The following TNNI3K variants were observed in gnomAD, a reference collection of about 807,000 sequenced individuals.
The protein encoded by TNNI3K is TNNI3 interacting kinase.
A neutral mutation model predicts 114.5 loss-of-function variants in TNNI3K; 140 were observed. That is an observed-to-expected ratio of 1.22 (90% CI 1.07 to 1.41). The LOEUF is 1.41. Among genes scored for constraint, TNNI3K ranks in the 40% most tolerant of loss-of-function variants. The probability of loss-of-function intolerance (pLI) is 0.00; values close to 1 mark genes in which losing one functional copy is unlikely to be tolerated. For synonymous variants in TNNI3K, 347 were observed against 347.5 expected, an observed-to-expected ratio of 1.00 and a Z score of 0.02; for missense variants, 1,125 against 1,007.6, an observed-to-expected ratio of 1.12 and a Z score of -1.58.
chr1:74,476,157 C>T (rs1668196069), intron 21 of TNNI3K, among the ~76,000 whole-genome samples: 1 of 152,146 alleles, frequency 6.6e-6, no homozygotes, highest in African/African-American at 2.4e-5. Context: ...TTTATGAACT[C>T]TCATAATAGA....
chr1:74,418,148 C>T, intron 17 of TNNI3K: 1 of 451,896 alleles, frequency 2.2e-6, no homozygotes. Flanking sequence ...GAGGTCTTTC[C>T]TTTTCACCCT....
intron 17 of TNNI3K, among the ~76,000 whole-genome samples, chr1:74,428,404 A>G (rs1665734563): frequency 6.6e-6 from 1 of 152,092 alleles, no homozygotes; most frequent in South Asian, 2.1e-4. Context: ...CTGGGATCAT[A>G]AAATAATAAC....
intron 17 of TNNI3K, among the ~76,000 whole-genome samples, chr1:74,427,013 C>A (rs567873258): frequency 6.6e-6 from 1 of 152,212 alleles, no homozygotes; most frequent in Non-Finnish European, 1.5e-5. Flanking sequence ...AATAAGGGAT[C>A]ATTTAATGAT....
chr1:74,355,738 C>G (rs1362594968), intron 11 of TNNI3K, among the ~76,000 whole-genome samples: 1 of 151,864 alleles, frequency 6.6e-6, no homozygotes, highest in Non-Finnish European at 1.5e-5. Flanking sequence ...AGCGTATAGA[C>G]AAGGAGAAGG....
chr1:74,400,120 T>C (rs971820981), intron 17 of TNNI3K, among the ~76,000 whole-genome samples: 2 of 152,238 alleles, frequency 1.3e-5, no homozygotes, highest in African/African-American at 4.8e-5. Context: ...TAGAAATTTA[T>C]AATGCAATCC....
At chr1:74,315,382 C>T (rs1019054055) in intron 5 of TNNI3K, among the ~76,000 whole-genome samples, 2 of 152,006 alleles carry the variant, frequency 1.3e-5, no homozygotes, top group Admixed American at 6.5e-5. Flanking sequence ...AAATGTATCA[C>T]GTATCTCCAA....
chr1:74,343,044 A>G (rs1410722980), intron 8 of TNNI3K, 31 bp from the exon 9 acceptor site: 1 of 1,613,102 alleles, frequency 6.2e-7, no homozygotes, highest in South Asian at 1.1e-5. Context: ...ACTTGCTTAC[A>G]ATATTAACAA....
intron 4 of TNNI3K, among the ~76,000 whole-genome samples, chr1:74,253,185 A>G (rs116391207): frequency 0.01 from 1,524 of 152,272 alleles, 24 homozygotes; most frequent in African/African-American, 0.035. Context: ...TGAGCTAGAT[A>G]CAGAGTGCTG....
Position 74,353,293 on chromosome 1 carries a change from C to T in TNNI3K, c.960C>T (p.Asp320=). The T allele has an allele frequency of 6.2e-7, 1 of 1,613,186 alleles. No individual in the cohort carries two copies. The highest frequency in any genetic ancestry group is 8.5e-7 in the Non-Finnish European group (1 of 1,179,788). ...CTTGTACCTATGGCAAGAGCATTGACCTAGTCAAATTTCTTCTTGATCAGA... is the reference window on the plus strand; with the variant it reads ...CTTGTACCTATGGCAAGAGCATTGATCTAGTCAAATTTCTTCTTGATCAGA... ...HSACTYGKSI[D]LVKFLLDQNV... The change falls in exon 10 of 25, where the codon GAC becomes GAT. Residue 320 remains aspartate, a synonymous_variant. Coordinates refer to ENST00000326637, the MANE Select transcript of TNNI3K (RefSeq NM_015978.3).
At chr1:74,504,510 C>T (rs533733522) in intron 23 of TNNI3K, among the ~76,000 whole-genome samples, 2 of 152,038 alleles carry the variant, frequency 1.3e-5, no homozygotes, top group South Asian at 2.1e-4. Flanking sequence ...AACAGCCTTT[C>T]GCCATGAAAA....
intron 5 of TNNI3K, among the ~76,000 whole-genome samples, chr1:74,290,474 A>G (rs1657610662): frequency 6.6e-6 from 1 of 151,808 alleles, no homozygotes; most frequent in African/African-American, 2.4e-5. Flanking sequence ...CGAAAATAAT[A>G]AGAGATTGAA....
Position 74,439,629 on chromosome 1 carries a change from C to T in TNNI3K, c.2011+7C>T, listed in dbSNP as rs546317269. On this transcript the variant is annotated splice_region_variant and intron_variant, in intron 20 of 24. Transcript: ENST00000326637. ...TTCGCTCATCTCAAGCCAGGTAAGA[C>T]ACACTGCAATTGAAGTTTTCCTGTT... is the stretch of plus-strand genomic sequence containing the variant. 24 of 1,612,322 alleles carry T rather than the reference C, an allele frequency of 1.5e-5. No homozygotes were observed. In the East Asian group the frequency reaches 5.4e-4, roughly 36 times the overall value.
chr1:74,360,520 C>T (rs1661905529), intron 11 of TNNI3K, among the ~76,000 whole-genome samples: 1 of 152,080 alleles, frequency 6.6e-6, no homozygotes, highest in Non-Finnish European at 1.5e-5. Context: ...CACATAATAA[C>T]CCTGTGAGGC....
At position 74,325,741 on chromosome 1, in the gene TNNI3K, G is replaced by A. The variant is rs148066144; in HGVS notation, c.445-5709G>A. The stretch of plus-strand genomic sequence containing the variant: ...GATGACTCTTTAAAAAATTGTCTAC[G>A]AAGTTTAGGAGGAAGGACAATAGTT... On this transcript the variant is annotated intron_variant, in intron 5 of 24. Transcript: ENST00000326637. Among the ~76,000 whole-genome samples the A allele has an allele frequency of 1.1e-3, 167 of 152,200 alleles. 1 individual carries two copies. The highest frequency in any genetic ancestry group is 1.6e-3 in the Admixed American group (25 of 15,284).
At chr1:74,244,227 A>G (rs1557444819) in intron 2 of TNNI3K, among the ~76,000 whole-genome samples, 1 of 152,114 alleles carries the variant, frequency 6.6e-6, no homozygotes, top group Non-Finnish European at 1.5e-5. Context: ...TGACTGCCAA[A>G]TATTATAGGA....
intron 17 of TNNI3K, among the ~76,000 whole-genome samples, chr1:74,379,354 C>T (rs201410683): frequency 7.0e-6 from 1 of 142,000 alleles, no homozygotes; most frequent in East Asian, 2.1e-4. Context: ...CACACACACA[C>T]TTTTTTTTCT....
chr1:74,353,159 G>A (rs921666720), intron 9 of TNNI3K, 107 bp from the exon 10 acceptor site: 1 of 1,132,104 alleles, frequency 8.8e-7, no homozygotes, highest in African/African-American at 1.6e-5. Flanking sequence ...TCAGGTTATG[G>A]GGGTTATAAC....
intron 2 of TNNI3K, among the ~76,000 whole-genome samples, chr1:74,244,782 C>G (rs1430483815): frequency 6.6e-6 from 1 of 151,510 alleles, no homozygotes; most frequent in Non-Finnish European, 1.5e-5. Flanking sequence ...TTGTGCCAGA[C>G]TTATTGAATG....
chr1:74,501,648 G>A (rs1294009010), intron 23 of TNNI3K, among the ~76,000 whole-genome samples: 2 of 151,896 alleles, frequency 1.3e-5, no homozygotes, highest in Non-Finnish European at 2.9e-5. Flanking sequence ...TACCACGCCC[G>A]GGTAATTTTT....
Sources: allele counts gnomAD v4.1 joint callset (sites outside exome capture counted in the v4.1 genomes callset), GRCh38; gene constraint gnomAD v4.1.1; transcripts MANE v1.5; gene names NCBI Gene and HGNC (gene_info 2026-07-23, HGNC 2026-07-21).